Variants in FRMD4A observed in about 807,000 individuals in gnomAD.
FRMD4A encodes the protein FERM domain-containing protein 4A.
In FRMD4A, 29 loss-of-function variants were observed where a neutral mutation model predicts 129.1. The ratio of observed to expected loss-of-function variants is 0.22; its 90% CI spans 0.17 to 0.31. The LOEUF (loss-of-function observed/expected upper bound fraction) is 0.31, where lower values mean the gene tolerates loss of function less well. FRMD4A is among the 10% of genes least tolerant of loss of function. FRMD4A has a pLI of 1.00. For synonymous variants in FRMD4A, 634 were observed against 571.6 expected (o/e 1.11, Z -1.56); for missense variants, 1,272 against 1,375.8 (o/e 0.92, Z 1.19).
intron 8 of FRMD4A, among the ~76,000 whole-genome samples, chr10:13,756,721 G>A (rs1469612293): frequency 1.3e-5 from 2 of 152,170 alleles, no homozygotes; most frequent in Non-Finnish European, 2.9e-5. Flanking sequence ...CAGAAGGGCT[G>A]GCAGAGGTGA....
In FRMD4A at chr10:14,230,132, G is replaced by GCAAC. The variant is rs200952591; in HGVS notation, c.45+99922_45+99925dup. Among the ~76,000 whole-genome samples, 1,379 of 152,264 alleles carry GCAAC rather than the reference G, an allele frequency of 9.1e-3. 20 individuals carry two copies. Among genetic ancestry groups the GCAAC allele is most frequent in the African/African-American group, 0.032 (1,331 of 41,552 alleles). On this transcript the variant is annotated intron_variant, in intron 2 of 24. Coordinates refer to ENST00000357447, the MANE Select transcript of FRMD4A (RefSeq NM_018027.5). ...ATACACATTTCTGAATAAAACACAA[G>GCAAC]CAACGGTGCACACCTCTCCTTTACA...
intron 2 of FRMD4A, among the ~76,000 whole-genome samples, chr10:13,985,479 G>C (rs2095577771): frequency 6.6e-6 from 1 of 152,220 alleles, no homozygotes; most frequent in Non-Finnish European, 1.5e-5. Context: ...GTAGTCTTCA[G>C]GGAGTGGGTG....
intron 2 of FRMD4A, among the ~76,000 whole-genome samples, chr10:13,861,523 G>A (rs1449065959): frequency 6.6e-6 from 1 of 152,150 alleles, no homozygotes; most frequent in Admixed American, 6.5e-5. Flanking sequence ...CCCCAGCTCT[G>A]AGAAAAATCA....
intron 2 of FRMD4A, among the ~76,000 whole-genome samples, chr10:13,869,313 G>C (rs1384501275): frequency 1.3e-5 from 2 of 152,222 alleles, no homozygotes; most frequent in Middle Eastern, 3.2e-3. Flanking sequence ...AAGCTCTCCT[G>C]AGGGCGTTAT....
chr10:13,679,458 A>AAAAAAAAAT lies in FRMD4A; in HGVS notation c.1118-4415_1118-4414insATTTTTTTT, dbSNP rs1554838339. 1.2e-4 allele frequency among the ~76,000 whole-genome samples: 3 copies of AAAAAAAAAT among 24,544 alleles called. 1 individual carries two copies. Among genetic ancestry groups the AAAAAAAAAT allele is most frequent in the African/African-American group, 3.7e-4 (2 of 5,424 alleles). 16.1% of individuals were successfully genotyped at this position (24,544 alleles called of 152,430 possible). A position where few individuals can be genotyped will look rare whatever the true frequency, so the allele number is the denominator to read the frequency against. On this transcript the variant is annotated intron_variant, in intron 15 of 24. Coordinates refer to ENST00000357447, the MANE Select transcript of FRMD4A (RefSeq NM_018027.5). ...AAAAAAAAAAAAAAAAAAAAAAAAA[A>AAAAAAAAAT]AAATATATATATATATACACACACA...
At chr10:13,648,938 T>G (rs1183013677) in intron 24 of FRMD4A, among the ~76,000 whole-genome samples, 1 of 152,104 alleles carries the variant, frequency 6.6e-6, no homozygotes. Flanking sequence ...AAAGCTTCCA[T>G]GGATAAATAA....
At chr10:13,785,343 A>G (rs574455111) in intron 5 of FRMD4A, among the ~76,000 whole-genome samples, 32 of 152,294 alleles carry the variant, frequency 2.1e-4, no homozygotes, top group African/African-American at 7.2e-4. Context: ...TCATACTTGT[A>G]AAGCCTGAAA....
At chr10:14,104,241 C>A (rs561449627) in intron 2 of FRMD4A, among the ~76,000 whole-genome samples, 1 of 151,760 alleles carries the variant, frequency 6.6e-6, no homozygotes, top group Non-Finnish European at 1.5e-5. Context: ...ACACTGCCAT[C>A]GAGTTTACAC....
chr10:13,978,776 CT>C (rs2095550858), intron 2 of FRMD4A, among the ~76,000 whole-genome samples: 1 of 152,076 alleles, frequency 6.6e-6, no homozygotes, highest in Non-Finnish European at 1.5e-5. Context: ...GGAGAATAAC[CT>C]TTTAAAAATG....
At chr10:13,953,157 G>T (rs907559251) in intron 2 of FRMD4A, among the ~76,000 whole-genome samples, 1 of 152,150 alleles carries the variant, frequency 6.6e-6, no homozygotes, top group Non-Finnish European at 1.5e-5. Context: ...TGATAATGCC[G>T]TTTTCCTCCC....
At chr10:14,053,925 T>C (rs2131690801) in intron 2 of FRMD4A, among the ~76,000 whole-genome samples, 1 of 152,302 alleles carries the variant, frequency 6.6e-6, no homozygotes, top group South Asian at 2.1e-4. Flanking sequence ...GAGGATCACC[T>C]GAGCCCAGGA....
chr10:13,773,790 C>T (rs10906471), intron 6 of FRMD4A, among the ~76,000 whole-genome samples: 47,815 of 152,104 alleles, frequency 0.31, 8,369 homozygotes, highest in East Asian at 0.57. Context: ...TGAGGGTCCA[C>T]ATTCCCTGAC....
chr10:14,249,994 A>T (rs986217554), intron 2 of FRMD4A, among the ~76,000 whole-genome samples: 2 of 152,154 alleles, frequency 1.3e-5, no homozygotes, highest in Non-Finnish European at 2.9e-5. Flanking sequence ...TTTGAGACAG[A>T]GTTTTGTTCT....
At chr10:14,176,895 G>A (rs772684184) in intron 2 of FRMD4A, among the ~76,000 whole-genome samples, 9 of 152,116 alleles carry the variant, frequency 5.9e-5, no homozygotes, top group Non-Finnish European at 7.3e-5. Context: ...CAGAGATGCC[G>A]TTCCTCATCC....
At chr10:14,026,012 C>T (rs1043086572) in intron 2 of FRMD4A, among the ~76,000 whole-genome samples, 3 of 152,164 alleles carry the variant, frequency 2.0e-5, no homozygotes, top group African/African-American at 7.2e-5. Context: ...AATCAGCCTT[C>T]GTCTAGCAAG....
At chr10:14,111,822 T>C (rs1236072496) in intron 2 of FRMD4A, among the ~76,000 whole-genome samples, 1 of 151,038 alleles carries the variant, frequency 6.6e-6, no homozygotes. Context: ...AAAAATTAAG[T>C]GGTGTGTGCT....
intron 2 of FRMD4A, among the ~76,000 whole-genome samples, chr10:14,173,159 C>G (rs929677204): frequency 7.9e-5 from 12 of 152,028 alleles, no homozygotes; most frequent in Admixed American, 3.3e-4. Flanking sequence ...TCTATTTGCC[C>G]CTTGATTTGT....
chr10:14,166,999 A>T (rs560143810), intron 2 of FRMD4A, among the ~76,000 whole-genome samples: 1 of 152,352 alleles, frequency 6.6e-6, no homozygotes, highest in East Asian at 1.9e-4. Context: ...ATACACACTT[A>T]GAAGAAATAA....
chr10:14,058,755 C>T (rs1834664077), intron 2 of FRMD4A, among the ~76,000 whole-genome samples: 1 of 152,138 alleles, frequency 6.6e-6, no homozygotes, highest in South Asian at 2.1e-4. Flanking sequence ...CCATATGCCA[C>T]AGGGTCCCGG....
Sources: gnomAD v4.1 joint callset for allele counts (sites outside exome capture counted in the v4.1 genomes callset) on GRCh38, gnomAD v4.1.1 for gene constraint, MANE v1.5 for transcripts, NCBI Gene and HGNC (gene_info 2026-07-23, HGNC 2026-07-21) for gene names.